BMP8B: variants seen among roughly 807,000 people sequenced by gnomAD.
BMP8B encodes bone morphogenetic protein 8 (osteogenic protein 2).
A neutral mutation model predicts 30.3 loss-of-function variants in BMP8B; 17 were observed. The ratio of observed to expected loss-of-function variants is 0.56; its 90% CI spans 0.38 to 0.84. The LOEUF (loss-of-function observed/expected upper bound fraction) is 0.84, where lower values mean the gene tolerates loss of function less well. Ranked by LOEUF, BMP8B falls within the 40% of genes least tolerant of loss-of-function variation. BMP8B has a pLI of 0.00. For synonymous variants in BMP8B, 131 were observed against 214.7 expected, an observed-to-expected ratio of 0.61 and a Z score of 3.41; for missense variants, 253 against 494.6, an observed-to-expected ratio of 0.51 and a Z score of 4.63.
intron 1 of BMP8B, among the ~76,000 whole-genome samples, chr1:39,784,439 C>T (rs1292389771): frequency 2.8e-5 from 4 of 142,496 alleles, no homozygotes; most frequent in Admixed American, 7.2e-5. Flanking sequence ...TCCTGTTTCC[C>T]GATGGGGCGT....
intron 3 of BMP8B, chr1:39,769,651 C>T (rs1235833466): frequency 5.4e-6 from 8 of 1,475,686 alleles, no homozygotes; most frequent in Admixed American, 2.5e-5. Flanking sequence ...CTGGGGAACC[C>T]GGTGGCACCC....
chr1:39,783,865 A>T (rs1650815911), intron 1 of BMP8B, among the ~76,000 whole-genome samples: 1 of 152,256 alleles, frequency 6.6e-6, no homozygotes, highest in South Asian at 2.1e-4. Context: ...AGCTATGACC[A>T]TGCCACTGCA....
In BMP8B at chr1:39,762,560, A is replaced by C. The variant is rs1461882190; in HGVS notation, c.1059+532T>G. 4 of 1,550,448 alleles carry C rather than the reference A, an allele frequency of 2.6e-6. No individual in the cohort carries two copies. The Admixed American group carries it at 5.9e-5, about 23-fold the overall frequency. ...GCATCAAAAGCCAGGGGATCCAGAA[A>C]AAACAAAGATGGCCAAGAGAGAAAC... On this transcript the variant is annotated intron_variant, in intron 6 of 6. Transcript: ENST00000372827.
In BMP8B at chr1:39,769,143, T is replaced by C. The variant is rs542885866; in HGVS notation, c.674-4326A>G. On this transcript the variant is annotated intron_variant, in intron 3 of 6. Transcript: ENST00000372827. ...CAGAGGTTGCAGTGAGATCACTGCA[T>C]TCCATTGCATTCCAGCCTGAGCGAC... Among the ~76,000 whole-genome samples, 97 of 150,130 alleles carry C rather than the reference T, an allele frequency of 6.5e-4. 2 individuals carry two copies. The highest frequency in any genetic ancestry group is 2.3e-3 in the African/African-American group (93 of 40,592).
intron 6 of BMP8B, among the ~76,000 whole-genome samples, chr1:39,761,870 C>T (rs1014624689): frequency 5.9e-5 from 9 of 152,372 alleles, no homozygotes; most frequent in Non-Finnish European, 8.8e-5. Flanking sequence ...CCGACAGCCT[C>T]CCCTAGAGCG....
Position 39,758,678 on chromosome 1 carries a change from T to C in BMP8B, c.*1741A>G, listed in dbSNP as rs1569744213. 1 of 152,316 alleles carries C rather than the reference T, an allele frequency of 6.6e-6. No individual in the cohort carries two copies. Among genetic ancestry groups the C allele is most frequent in the East Asian group, 1.9e-4 (1 of 5,184 alleles). The allele number at this position is 152,316 out of a possible 1,614,324, so 9.4% of individuals were successfully genotyped here. A position where few individuals can be genotyped will look rare whatever the true frequency, so the allele number is the denominator to read the frequency against. ...GAGATCAAAAAGTGCAGATAGAAAATGGAGGCGCAGATAAGGAAGCCACCT... is the reference window on the plus strand; with the variant it reads ...GAGATCAAAAAGTGCAGATAGAAAACGGAGGCGCAGATAAGGAAGCCACCT... On this transcript the variant is annotated 3_prime_UTR_variant, in exon 7 of 7. Coordinates refer to ENST00000372827, the MANE Select transcript of BMP8B (RefSeq NM_001720.5).
Position 39,762,513 on chromosome 1 carries a change from T to C in BMP8B, c.1059+579A>G, listed in dbSNP as rs192079535. The stretch of plus-strand genomic sequence containing the variant: ...CCATCAGAAACCTGCTTTTGTCCTT[T>C]AAGGTTGCCCCAGATACCAAGGCAT... On this transcript the variant is annotated intron_variant, in intron 6 of 6. Coordinates refer to ENST00000372827, the MANE Select transcript of BMP8B (RefSeq NM_001720.5). The C allele has an allele frequency of 7.3e-3, 11,275 of 1,549,386 alleles. 68 individuals are homozygous for C. Among genetic ancestry groups the C allele is most frequent in the Non-Finnish European group, 8.0e-3 (9,228 of 1,146,562 alleles).
chr1:39,782,981 G>C lies in BMP8B; in HGVS notation c.334+5171C>G, dbSNP rs564934190. Among the ~76,000 whole-genome samples the C allele has an allele frequency of 2.6e-5, 4 of 151,944 alleles. No individual in the cohort carries two copies. The East Asian group carries it at 7.7e-4, about 29-fold the overall frequency. On this transcript the variant is annotated intron_variant, in intron 1 of 6. Coordinates refer to ENST00000372827, the MANE Select transcript of BMP8B (RefSeq NM_001720.5). ...GCTAATTTTTTTTGCATTTTTAGTA[G>C]AGACAAGGTTTCACCATGTTGGCCA...
chr1:39,780,058 G>A (rs1650520702), intron 1 of BMP8B, among the ~76,000 whole-genome samples: 1 of 152,122 alleles, frequency 6.6e-6, no homozygotes, highest in Non-Finnish European at 1.5e-5. Context: ...TCACCTCATG[G>A]CCTCCCCCAG....
At position 39,788,067 on chromosome 1, in the gene BMP8B, C is replaced by A. The variant is rs1651116114; in HGVS notation, c.334+85G>T. On this transcript the variant is annotated intron_variant, in intron 1 of 6. Coordinates refer to ENST00000372827, the MANE Select transcript of BMP8B (RefSeq NM_001720.5). The surrounding 1 kb of genome is among the most constrained non-coding windows in gnomAD (Gnocchi z 5.8). ...CACCGTCTGTGACTCCCCGTTCGGCCAGGGCCCGGCACAGCCCGCGGATGC... is the reference window on the plus strand; with the variant it reads ...CACCGTCTGTGACTCCCCGTTCGGCAAGGGCCCGGCACAGCCCGCGGATGC... 2.2e-6 allele frequency: 3 copies of A among 1,394,072 alleles called. No homozygotes were observed. The highest frequency in any genetic ancestry group is 2.8e-6 in the Non-Finnish European group (3 of 1,077,986). The allele number at this position is 1,394,072 out of a possible 1,614,324, so 86.4% of individuals were successfully genotyped here. A position where few individuals can be genotyped will look rare whatever the true frequency, so the allele number is the denominator to read the frequency against.
rs1165997894 is a variant in BMP8B, at chr1:39,768,936, TG to T, written c.674-4120del. ...GCTCATGTCTGTAATCCCAGCACTT[TG>T]GGAGGCTGAGGCAAGTGGATCGCTT... On this transcript the variant is annotated intron_variant, in intron 3 of 6. Transcript: ENST00000372827. 3.3e-5 allele frequency among the ~76,000 whole-genome samples: 5 copies of T among 150,706 alleles called. 1 individual carries two copies. The highest frequency in any genetic ancestry group is 6.6e-5 in the Admixed American group (1 of 15,146).
At chr1:39,760,784 A>C (rs547875401) in intron 6 of BMP8B, among the ~76,000 whole-genome samples, 3 of 152,280 alleles carry the variant, frequency 2.0e-5, no homozygotes, top group African/African-American at 7.2e-5. Flanking sequence ...GGAGGGACAC[A>C]TGGCAGGGGG....
At position 39,760,199 on chromosome 1, in the gene BMP8B, G is replaced by A; in HGVS notation, c.*220C>T. The A allele has an allele frequency of 1.3e-6, 1 of 763,722 alleles. No homozygotes were observed. Among genetic ancestry groups the A allele is most frequent in the Non-Finnish European group, 2.0e-6 (1 of 492,608 alleles). 47.3% of individuals were successfully genotyped at this position (763,722 alleles called of 1,614,324 possible). ...TTGGGTAGAACACTGCCTGATGATT[G>A]AGACCACCTGGGCTGGAAACAGGAC... On this transcript the variant is annotated 3_prime_UTR_variant, in exon 7 of 7. Coordinates refer to ENST00000372827, the MANE Select transcript of BMP8B (RefSeq NM_001720.5).
chr1:39,780,863 T>G (rs1883648), intron 1 of BMP8B, among the ~76,000 whole-genome samples: 72,047 of 151,776 alleles, frequency 0.47, 17,537 homozygotes, highest in African/African-American at 0.59. Context: ...GCCACTGCAC[T>G]CCAGCCTGGG....
At position 39,757,312 on chromosome 1, in the gene BMP8B, A is replaced by G. The variant is rs1436595805; in HGVS notation, c.*3107T>C. 6.6e-6 allele frequency: 1 copy of G among 152,290 alleles called. No homozygotes were observed. The highest frequency in any genetic ancestry group is 1.5e-5 in the Non-Finnish European group (1 of 68,060). The allele number at this position is 152,290 out of a possible 1,614,324, so 9.4% of individuals were successfully genotyped here. ...TCAGACATCCCAAAGATTTGTGTAC[A>G]TATTTAGTCTTTATAATAGCTTTGG... On this transcript the variant is annotated 3_prime_UTR_variant, in exon 7 of 7. Coordinates refer to ENST00000372827, the MANE Select transcript of BMP8B (RefSeq NM_001720.5).
At chr1:39,779,603 G>A (rs925434492) in intron 1 of BMP8B, among the ~76,000 whole-genome samples, 3 of 152,216 alleles carry the variant, frequency 2.0e-5, no homozygotes, top group Non-Finnish European at 4.4e-5. Flanking sequence ...GAAGGAGGCA[G>A]AGAAAACTTT....
intron 1 of BMP8B, among the ~76,000 whole-genome samples, chr1:39,778,048 G>C (rs1650353037): frequency 6.6e-6 from 1 of 152,270 alleles, no homozygotes; most frequent in Non-Finnish European, 1.5e-5. Context: ...GGCCGGGACG[G>C]AGCCACGTGG....
intron 5 of BMP8B, among the ~76,000 whole-genome samples, 182 bp from the exon 6 acceptor site, chr1:39,763,384 G>T (rs554833237): frequency 9.6e-6 from 1 of 103,640 alleles, no homozygotes; most frequent in Admixed American, 8.5e-5. Context: ...TTCACTTTGC[G>T]TCCCCTCCCC....
At chr1:39,761,853 C>T (rs1649030214) in intron 6 of BMP8B, among the ~76,000 whole-genome samples, 1 of 152,214 alleles carries the variant, frequency 6.6e-6, no homozygotes, top group Admixed American at 6.5e-5. Flanking sequence ...TTGGACAAAC[C>T]AACAAACCGA....
Sources: allele counts gnomAD v4.1 joint callset (sites outside exome capture counted in the v4.1 genomes callset), GRCh38; gene constraint gnomAD v4.1.1; non-coding constraint Gnocchi (gnomAD v3.1); transcripts MANE v1.5; gene names NCBI Gene and HGNC (gene_info 2026-07-23, HGNC 2026-07-21).